The following CDH2 variants were observed in gnomAD, a reference collection of about 807,000 sequenced individuals.
CDH2 encodes the protein cadherin 2.
In CDH2, 17 loss-of-function variants were observed where a neutral mutation model predicts 92.0. That is an observed-to-expected ratio of 0.18 (90% CI 0.13 to 0.28). The LOEUF (loss-of-function observed/expected upper bound fraction) is 0.28. CDH2 is among the 10% of genes least tolerant of loss of function. The pLI, the probability that CDH2 is intolerant of heterozygous loss-of-function variation, is 1.00. For missense variants in CDH2, 862 were observed against 1,133.1 expected, an observed-to-expected ratio of 0.76 and a Z score of 3.44; for synonymous variants, 419 against 415.9, an observed-to-expected ratio of 1.01 and a Z score of -0.09.
At chr18:27,964,677 A>G (rs1448484061) in intron 14 of CDH2, among the ~76,000 whole-genome samples, 1 of 152,156 alleles carries the variant, frequency 6.6e-6, no homozygotes, top group Non-Finnish European at 1.5e-5. Flanking sequence ...ACATATGTTC[A>G]CTCATTTGAT....
At chr18:27,950,231 G>C (rs1178621166), downstream of CDH2, among the ~76,000 whole-genome samples, 2 of 152,044 alleles carry the variant, frequency 1.3e-5, no homozygotes, top group Non-Finnish European at 2.9e-5. Flanking sequence ...AAAAAATATA[G>C]TTAGAGGAGG....
At chr18:28,094,055 A>C (rs1005118704) in intron 2 of CDH2, among the ~76,000 whole-genome samples, 3 of 152,250 alleles carry the variant, frequency 2.0e-5, no homozygotes, top group Non-Finnish European at 4.4e-5. Context: ...ATATGTGAAT[A>C]AACTTCCTCA....
At chr18:27,975,774 C>T (rs1053287169) in intron 14 of CDH2, among the ~76,000 whole-genome samples, 1 of 152,030 alleles carries the variant, frequency 6.6e-6, no homozygotes, top group African/African-American at 2.4e-5. Context: ...TTGTCTGGTA[C>T]CCAAGAAGAA....
intron 2 of CDH2, among the ~76,000 whole-genome samples, chr18:28,051,087 T>C (rs978455478): frequency 6.6e-6 from 1 of 152,198 alleles, no homozygotes; most frequent in Non-Finnish European, 1.5e-5. Context: ...TTGTAAAAAA[T>C]AGGTAACTAT....
At chr18:28,111,094 T>C (rs1422946669) in intron 2 of CDH2, among the ~76,000 whole-genome samples, 1 of 152,174 alleles carries the variant, frequency 6.6e-6, no homozygotes, top group Non-Finnish European at 1.5e-5. Flanking sequence ...AGCTCTCCTA[T>C]CGACTCCCAA....
At chr18:28,152,483 G>C (rs767499727) in intron 1 of CDH2, among the ~76,000 whole-genome samples, 1 of 152,130 alleles carries the variant, frequency 6.6e-6, no homozygotes, top group South Asian at 2.1e-4. Flanking sequence ...CAGAGAGCTG[G>C]AGTAGCAAGG....
intron 1 of CDH2, among the ~76,000 whole-genome samples, chr18:28,159,785 T>G (rs1307019808): frequency 6.6e-6 from 1 of 151,978 alleles, no homozygotes; most frequent in Admixed American, 6.6e-5. Context: ...GCCTCCTGAA[T>G]AGCTGGGACT....
chr18:28,004,386 G>A (rs749888099), intron 6 of CDH2, among the ~76,000 whole-genome samples: 1 of 152,146 alleles, frequency 6.6e-6, no homozygotes, highest in African/African-American at 2.4e-5. Flanking sequence ...ACGCAGTTTA[G>A]CTCAAAATTC....
intron 1 of CDH2, among the ~76,000 whole-genome samples, chr18:28,160,580 G>T (rs1296549576): frequency 6.6e-6 from 1 of 152,142 alleles, no homozygotes; most frequent in Non-Finnish European, 1.5e-5. Context: ...CTTTACAAGT[G>T]AACAAGAAAT....
chr18:28,052,054 G>A (rs1356223026), intron 2 of CDH2, among the ~76,000 whole-genome samples: 1 of 152,040 alleles, frequency 6.6e-6, no homozygotes, highest in Non-Finnish European at 1.5e-5. Context: ...AAACAACAAC[G>A]ATGTCATTAT....
At chr18:27,999,349 C>T (rs665781) in intron 7 of CDH2, among the ~76,000 whole-genome samples, 76,819 of 151,848 alleles carry the variant, frequency 0.51, 19,583 homozygotes, top group South Asian at 0.58. Context: ...GAGAGCTATG[C>T]TACCACAGTG....
At chr18:28,160,654 G>C (rs906358461) in intron 1 of CDH2, among the ~76,000 whole-genome samples, 1 of 152,168 alleles carries the variant, frequency 6.6e-6, no homozygotes, top group Admixed American at 6.5e-5. Context: ...GAAAGAGCCA[G>C]TGGGGCCCGA....
At chr18:28,173,401 A>T (rs2016492835) in intron 1 of CDH2, among the ~76,000 whole-genome samples, 1 of 152,186 alleles carries the variant, frequency 6.6e-6, no homozygotes, top group South Asian at 2.1e-4. Context: ...TCTTATTTTC[A>T]CAAGAACTTA....
intron 2 of CDH2, among the ~76,000 whole-genome samples, chr18:28,058,597 C>G (rs2014341457): frequency 6.6e-6 from 1 of 152,208 alleles, no homozygotes; most frequent in Non-Finnish European, 1.5e-5. Context: ...TTTTATCCCT[C>G]TTAATTTTTC....
intron 2 of CDH2, among the ~76,000 whole-genome samples, chr18:28,040,528 G>A (rs2013928200): frequency 6.6e-6 from 1 of 152,112 alleles, no homozygotes; most frequent in Admixed American, 6.6e-5. Context: ...AAAACCTTTA[G>A]GTTTACCTCC....
At chr18:28,124,027 A>G (rs1263107512) in intron 2 of CDH2, among the ~76,000 whole-genome samples, 2 of 152,180 alleles carry the variant, frequency 1.3e-5, no homozygotes, top group African/African-American at 4.8e-5. Context: ...CTATCTTTAA[A>G]AGAGGAATAT....
intron 2 of CDH2, among the ~76,000 whole-genome samples, chr18:28,014,223 C>T (rs2013180110): frequency 3.3e-5 from 5 of 152,208 alleles, no homozygotes; most frequent in Admixed American, 2.6e-4. Flanking sequence ...TCCTCCCACC[C>T]TATTACAAAC....
intron 2 of CDH2, among the ~76,000 whole-genome samples, chr18:28,030,260 A>G (rs1259013067): frequency 1.3e-5 from 2 of 151,472 alleles, no homozygotes; most frequent in African/African-American, 4.9e-5. Context: ...GATAATTGGG[A>G]CAATGACAGA....
chr18:27,995,213 C>T (rs965060765), intron 7 of CDH2, among the ~76,000 whole-genome samples: 2 of 146,974 alleles, frequency 1.4e-5, no homozygotes, highest in African/African-American at 5.1e-5. Context: ...ACTCGGGAGG[C>T]TGAGGCAGGA....
Sources: gnomAD v4.1 joint callset for allele counts (sites outside exome capture counted in the v4.1 genomes callset) on GRCh38, gnomAD v4.1.1 for gene constraint, MANE v1.5 for transcripts, NCBI Gene and HGNC (gene_info 2026-07-23, HGNC 2026-07-21) for gene names.